The following SIPA1L1 variants were observed in gnomAD, a reference collection of about 807,000 sequenced individuals.
The protein encoded by SIPA1L1 is signal induced proliferation associated 1 like 1, also known as signal-induced proliferation-associated 1-like protein 1.
In SIPA1L1, 26 loss-of-function variants were observed where a neutral mutation model predicts 162.7. The ratio of observed to expected loss-of-function variants is 0.16; its 90% CI spans 0.12 to 0.22. The LOEUF is 0.22. Ranked by LOEUF, SIPA1L1 falls within the 10% of genes least tolerant of loss-of-function variation. The probability of loss-of-function intolerance (pLI) is 1.00; values close to 1 mark genes in which losing one functional copy is unlikely to be tolerated. For missense variants in SIPA1L1, 1,874 were observed against 2,241.0 expected, an observed-to-expected ratio of 0.84 and a Z score of 3.31; for synonymous variants, 829 against 837.4, an observed-to-expected ratio of 0.99 and a Z score of 0.17.
At chr14:71,418,558 A>T (rs1014464510) in intron 2 of SIPA1L1, among the ~76,000 whole-genome samples, 1 of 152,226 alleles carries the variant, frequency 6.6e-6, no homozygotes, top group Non-Finnish European at 1.5e-5. Context: ...GGCTTCTGAG[A>T]CAGCAGGTCA....
chr14:71,323,032 G>T (rs1299471564), intron 2 of SIPA1L1, among the ~76,000 whole-genome samples: 3 of 152,194 alleles, frequency 2.0e-5, no homozygotes, highest in Non-Finnish European at 4.4e-5. Context: ...ACTTTGTACT[G>T]AGATTCATTT....
chr14:71,547,995 G>A (rs1210629487), intron 4 of SIPA1L1, among the ~76,000 whole-genome samples: 1 of 152,144 alleles, frequency 6.6e-6, no homozygotes, highest in Non-Finnish European at 1.5e-5. Context: ...GCTTATTCTT[G>A]TAAAGCCATA....
intron 2 of SIPA1L1, among the ~76,000 whole-genome samples, chr14:71,381,268 G>A (rs1032763143): frequency 6.6e-6 from 1 of 152,016 alleles, no homozygotes; most frequent in African/African-American, 2.4e-5. Flanking sequence ...TAGCCAGGAT[G>A]GTCTCAATCT....
At chr14:71,666,868 TAAA>T (rs960598363) in intron 10 of SIPA1L1, among the ~76,000 whole-genome samples, 8 of 78,176 alleles carry the variant, frequency 1.0e-4, no homozygotes, top group African/African-American at 9.8e-5. Context: ...TTCCTCTCTG[TAAA>T]AAAAAAAAAA....
chr14:71,567,362 A>C (rs1194884536), intron 4 of SIPA1L1, among the ~76,000 whole-genome samples: 1 of 152,264 alleles, frequency 6.6e-6, no homozygotes, highest in Non-Finnish European at 1.5e-5. Flanking sequence ...GACATCAGTC[A>C]ACAAATTCTG....
At chr14:71,695,915 C>A (rs1597047114) in intron 13 of SIPA1L1, among the ~76,000 whole-genome samples, 1 of 152,170 alleles carries the variant, frequency 6.6e-6, no homozygotes. Context: ...ATTTTCATAA[C>A]CAATTCCTCC....
At chr14:71,614,167 A>G (rs1320462516) in intron 5 of SIPA1L1, among the ~76,000 whole-genome samples, 1 of 151,920 alleles carries the variant, frequency 6.6e-6, no homozygotes, top group Non-Finnish European at 1.5e-5. Context: ...GCAGTGGGCC[A>G]AGATCATGCC....
At chr14:71,533,858 A>AT (rs1348159280) in intron 4 of SIPA1L1, among the ~76,000 whole-genome samples, 2 of 152,168 alleles carry the variant, frequency 1.3e-5, no homozygotes, top group African/African-American at 4.8e-5. Context: ...AAAATTCCTC[A>AT]TTAGGTGGGT....
At chr14:71,360,906 G>A (rs28447451) in intron 2 of SIPA1L1, among the ~76,000 whole-genome samples, 2,050 of 152,236 alleles carry the variant, frequency 0.013, 41 homozygotes, top group African/African-American at 0.047. Flanking sequence ...TGTTATTTAT[G>A]CCATTCTTCG....
At chr14:71,488,723 G>A (rs928131692) in intron 2 of SIPA1L1, among the ~76,000 whole-genome samples, 1 of 152,132 alleles carries the variant, frequency 6.6e-6, no homozygotes, top group Non-Finnish European at 1.5e-5. Flanking sequence ...CTGTGAACTT[G>A]TACTTTGTGA....
Position 71,733,655 on chromosome 14 carries a change from C to T in SIPA1L1, c.4862-11C>T, listed in dbSNP as rs750831707. 1 of 1,612,498 alleles carries T rather than the reference C, an allele frequency of 6.2e-7. No homozygotes were observed. Among genetic ancestry groups the T allele is most frequent in the Non-Finnish European group, 8.5e-7 (1 of 1,179,490 alleles). ...CACAAGAAGCATCTCATTCCTCCTC[C>T]CTTCCCGCAGGAGAGTTCTCAGCCT... is the stretch of plus-strand genomic sequence containing the variant. On this transcript the variant is annotated splice_polypyrimidine_tract_variant and intron_variant, in intron 20 of 23. Coordinates refer to ENST00000381232, the MANE Select transcript of SIPA1L1 (RefSeq NM_001386936.1).
intron 17 of SIPA1L1, among the ~76,000 whole-genome samples, chr14:71,721,422 G>A (rs2083721696): frequency 6.6e-6 from 1 of 152,222 alleles, no homozygotes; most frequent in African/African-American, 2.4e-5. Context: ...CCCAAGGCCC[G>A]TGGTGACTGC....
At chr14:71,474,531 G>A (rs1276565995) in intron 2 of SIPA1L1, among the ~76,000 whole-genome samples, 2 of 152,196 alleles carry the variant, frequency 1.3e-5, no homozygotes, top group African/African-American at 4.8e-5. Context: ...AAGCCTATAA[G>A]GAGATCACAA....
At chr14:71,619,206 G>A (rs900346167) in intron 6 of SIPA1L1, among the ~76,000 whole-genome samples, 3 of 152,096 alleles carry the variant, frequency 2.0e-5, no homozygotes, top group Non-Finnish European at 4.4e-5. Flanking sequence ...CCTGCTTAGG[G>A]CTACTGGAAA....
At chr14:71,489,658 G>A (rs1043141576) in intron 2 of SIPA1L1, among the ~76,000 whole-genome samples, 22 of 151,224 alleles carry the variant, frequency 1.5e-4, no homozygotes, top group Admixed American at 2.6e-4. Context: ...ATTGTCTCAG[G>A]CCACGCATAA....
At chr14:71,580,509 G>C (rs115407641) in intron 4 of SIPA1L1, among the ~76,000 whole-genome samples, 7 of 152,122 alleles carry the variant, frequency 4.6e-5, no homozygotes, top group Non-Finnish European at 1.0e-4. Flanking sequence ...CTGTAAATGA[G>C]GAGATATAAG....
In SIPA1L1 at chr14:71,705,276, G is replaced by T; in HGVS notation, c.3701G>T (p.Ser1234Ile). 1 of 1,614,162 alleles carries T rather than the reference G, an allele frequency of 6.2e-7. No homozygotes were observed. Among genetic ancestry groups the T allele is most frequent in the Non-Finnish European group, 8.5e-7 (1 of 1,179,998 alleles). ...VSKVLPAFRE[S>I]PSGRLMRQDP... The stretch of plus-strand genomic sequence containing the variant: ...AAGGTACTGCCAGCTTTCCGAGAGA[G>T]CCCCAGTGGGAGATTAATGCGGCAG... The change falls in exon 16 of 24, where the codon AGC (serine) becomes ATC (isoleucine). Residue 1234 changes from serine (S) to isoleucine (I), a missense_variant. By Grantham distance (142) the Ser-to-Ile change is moderately radical (BLOSUM62 -2). This residue lies in a region of SIPA1L1 where 936 missense variants were observed against 1,051.9 expected (regional missense o/e 0.89). Coordinates refer to ENST00000381232, the MANE Select transcript of SIPA1L1 (RefSeq NM_001386936.1).
At chr14:71,374,505 G>A (rs981894657) in intron 2 of SIPA1L1, among the ~76,000 whole-genome samples, 1 of 151,720 alleles carries the variant, frequency 6.6e-6, no homozygotes, top group Non-Finnish European at 1.5e-5. Context: ...GAAACTGACA[G>A]TGTGGTATGA....
chr14:71,460,778 CTG>C (rs939742782), intron 2 of SIPA1L1, among the ~76,000 whole-genome samples: 17 of 152,162 alleles, frequency 1.1e-4, no homozygotes, highest in African/African-American at 3.9e-4. Context: ...TGAATCCTGA[CTG>C]TGGGAGAAAC....
Sources: allele counts gnomAD v4.1 joint callset (sites outside exome capture counted in the v4.1 genomes callset), GRCh38; gene constraint gnomAD v4.1.1; regional missense constraint gnomAD v4.1.1; transcripts MANE v1.5; gene names NCBI Gene and HGNC (gene_info 2026-07-23, HGNC 2026-07-21).